Variants in MRPS27 observed in about 807,000 individuals in gnomAD.
The protein encoded by MRPS27 is mitochondrial ribosomal protein S27, also known as small ribosomal subunit protein mS27.
A neutral mutation model predicts 48.9 loss-of-function variants in MRPS27; 43 were observed. That is an observed-to-expected ratio of 0.88 (90% CI 0.69 to 1.13). The LOEUF (loss-of-function observed/expected upper bound fraction) is 1.13. Among genes scored for constraint, MRPS27 ranks in the 50% most tolerant of loss-of-function variants. MRPS27 has a pLI of 0.00. For missense variants in MRPS27, 467 were observed against 476.3 expected, an observed-to-expected ratio of 0.98 and a Z score of 0.18; for synonymous variants, 188 against 171.9, an observed-to-expected ratio of 1.09 and a Z score of -0.73.
intron 2 of MRPS27, among the ~76,000 whole-genome samples, chr5:72,312,261 A>G (rs56929489): frequency 0.015 from 2,318 of 152,308 alleles, 68 homozygotes; most frequent in African/African-American, 0.051. Flanking sequence ...AACTAACTCC[A>G]TTTTTCATAT....
chr5:72,296,787 T>A (rs1261260845), intron 3 of MRPS27, among the ~76,000 whole-genome samples: 7 of 152,240 alleles, frequency 4.6e-5, no homozygotes, highest in African/African-American at 1.7e-4. Context: ...TATTTAACAA[T>A]ATTTTAAATT....
intron 4 of MRPS27, 31 bp downstream of exon 4, chr5:72,295,500 A>G (rs1169680995): frequency 3.1e-5 from 47 of 1,534,916 alleles, no homozygotes; most frequent in Non-Finnish European, 4.0e-5. Flanking sequence ...GAAATCACAG[A>G]GTACATAGCC....
chr5:72,306,899 G>A (rs1365848865), intron 2 of MRPS27, among the ~76,000 whole-genome samples: 1 of 152,196 alleles, frequency 6.6e-6, no homozygotes, highest in African/African-American at 2.4e-5. Flanking sequence ...GGAGCTGGGT[G>A]ACAGTACACA....
chr5:72,235,039 G>A (rs1282224042), intron 5 of MRPS27, among the ~76,000 whole-genome samples: 1 of 152,090 alleles, frequency 6.6e-6, no homozygotes, highest in Admixed American at 6.6e-5. Context: ...CCCCTTGAGA[G>A]ATTTTGATAC....
chr5:72,287,708 T>G (rs1749710905), intron 4 of MRPS27, among the ~76,000 whole-genome samples: 1 of 152,238 alleles, frequency 6.6e-6, no homozygotes, highest in Admixed American at 6.5e-5. Context: ...ATATCATTAC[T>G]CATTGGGCAA....
intron 1 of MRPS27, among the ~76,000 whole-genome samples, chr5:72,317,974 T>C (rs1038164514): frequency 6.6e-6 from 1 of 152,156 alleles, no homozygotes; most frequent in Non-Finnish European, 1.5e-5. Context: ...AGAAGAACAA[T>C]TGTCTTGGGC....
At chr5:72,314,526 C>T (rs1750520531) in intron 1 of MRPS27, 1 of 172,854 alleles carries the variant, frequency 5.8e-6, no homozygotes, top group African/African-American at 2.4e-5. Context: ...CCTGAAGCAA[C>T]CTGGTAGTTC....
intron 4 of MRPS27, among the ~76,000 whole-genome samples, chr5:72,277,660 T>C (rs904045563): frequency 6.6e-6 from 1 of 151,984 alleles, no homozygotes; most frequent in African/African-American, 2.4e-5. Flanking sequence ...CGCAGCACCA[T>C]TCACAATAGC....
chr5:72,291,944 A>G (rs1225116561), intron 4 of MRPS27, among the ~76,000 whole-genome samples: 3 of 152,376 alleles, frequency 2.0e-5, no homozygotes, highest in African/African-American at 7.2e-5. Flanking sequence ...TGCTAGTAAT[A>G]TCTGTGCAAG....
At chr5:72,225,961 A>T (rs1004752063) in intron 9 of MRPS27, 96 bp downstream of exon 9, 2 of 1,404,598 alleles carry the variant, frequency 1.4e-6, no homozygotes, top group Admixed American at 2.3e-5. Flanking sequence ...ACATATAGAA[A>T]GTAGGGGTAG....
chr5:72,226,310 G>A, intron 8 of MRPS27, 111 bp from the exon 9 acceptor site: 1 of 1,287,468 alleles, frequency 7.8e-7, no homozygotes, highest in East Asian at 2.4e-5. Context: ...TAGAAATAGA[G>A]AAGGATCATT....
chr5:72,232,282 T>G (rs888458035), intron 7 of MRPS27, among the ~76,000 whole-genome samples, 161 bp downstream of exon 7: 1 of 152,146 alleles, frequency 6.6e-6, no homozygotes, highest in Non-Finnish European at 1.5e-5. Context: ...GAACCTCCAA[T>G]TCCATTTGTT....
chr5:72,257,627 C>A (rs1208880615), intron 4 of MRPS27, among the ~76,000 whole-genome samples: 1 of 152,168 alleles, frequency 6.6e-6, no homozygotes, highest in Non-Finnish European at 1.5e-5. Flanking sequence ...TTATGACACT[C>A]CAAATGTACT....
chr5:72,286,584 T>A (rs2112043542), intron 4 of MRPS27, among the ~76,000 whole-genome samples: 1 of 151,124 alleles, frequency 6.6e-6, no homozygotes, highest in South Asian at 2.1e-4. Context: ...CAAAAAAAAA[T>A]TCAAAATCAT....
At chr5:72,301,837 G>A (rs960134390) in intron 2 of MRPS27, among the ~76,000 whole-genome samples, 1 of 152,254 alleles carries the variant, frequency 6.6e-6, no homozygotes, top group African/African-American at 2.4e-5. Context: ...AAACTGCACA[G>A]AGCAGGGACG....
intron 2 of MRPS27, among the ~76,000 whole-genome samples, chr5:72,307,574 GATAAA>G (rs1156702675): frequency 6.6e-6 from 1 of 152,026 alleles, no homozygotes; most frequent in Non-Finnish European, 1.5e-5. Flanking sequence ...CAGTAATAAA[GATAAA>G]ATAAAGACTA....
chr5:72,226,896 T>C (rs1747915368), intron 8 of MRPS27, among the ~76,000 whole-genome samples: 1 of 152,188 alleles, frequency 6.6e-6, no homozygotes, highest in Admixed American at 6.5e-5. Flanking sequence ...TGTATTCCTG[T>C]GGCACAGAAC....
intron 10 of MRPS27, among the ~76,000 whole-genome samples, chr5:72,223,177 T>C (rs1242072479): frequency 1.3e-5 from 2 of 152,178 alleles, no homozygotes; most frequent in Non-Finnish European, 2.9e-5. Context: ...AAAGAAACAA[T>C]GCAAACTGTT....
chr5:72,258,645 C>T (rs1366342512), intron 4 of MRPS27, among the ~76,000 whole-genome samples: 1 of 152,090 alleles, frequency 6.6e-6, no homozygotes, highest in African/African-American at 2.4e-5. Flanking sequence ...AAGAAGAGTG[C>T]TCCTCCCCTC....
Sources: allele counts gnomAD v4.1 joint callset (sites outside exome capture counted in the v4.1 genomes callset), GRCh38; gene constraint gnomAD v4.1.1; transcripts MANE v1.5; gene names NCBI Gene and HGNC (gene_info 2026-07-23, HGNC 2026-07-21).